The following SDHAF4 variants were observed in gnomAD, a reference collection of about 807,000 sequenced individuals.
SDHAF4 encodes the protein succinate dehydrogenase complex assembly factor 4, also known as succinate dehydrogenase assembly factor 4, mitochondrial.
In SDHAF4, 14 loss-of-function variants were observed where a neutral mutation model predicts 14.3. The observed-to-expected ratio is 0.98, with a 90% CI of 0.65 to 1.53. The LOEUF is 1.53. SDHAF4 is among the 40% of genes most tolerant of loss of function. SDHAF4 has a pLI of 0.00. For missense variants in SDHAF4, 141 were observed against 129.3 expected, an observed-to-expected ratio of 1.09 and a Z score of -0.44; for synonymous variants, 63 against 47.3, an observed-to-expected ratio of 1.33 and a Z score of -1.36.
At chr6:70,583,332 C>T (rs1365046681) in intron 2 of SDHAF4, among the ~76,000 whole-genome samples, 3 of 152,108 alleles carry the variant, frequency 2.0e-5, no homozygotes, top group Admixed American at 6.5e-5. Context: ...AGGCTGGTCT[C>T]GAACTCCTGA....
chr6:70,585,728 T>G (rs892347878), intron 2 of SDHAF4, among the ~76,000 whole-genome samples: 1 of 152,164 alleles, frequency 6.6e-6, no homozygotes, highest in Non-Finnish European at 1.5e-5. Context: ...GAAAACAGAA[T>G]GCTGATGAGT....
chr6:70,582,167 G>T (rs1458334290), intron 2 of SDHAF4, among the ~76,000 whole-genome samples: 1 of 152,056 alleles, frequency 6.6e-6, no homozygotes, highest in African/African-American at 2.4e-5. Flanking sequence ...AACCTCCTGG[G>T]GTTCCCTACT....
intron 1 of SDHAF4, among the ~76,000 whole-genome samples, chr6:70,570,945 G>C (rs1211697447): frequency 6.6e-6 from 1 of 151,532 alleles, no homozygotes; most frequent in Admixed American, 6.6e-5. Context: ...TTACTTACAG[G>C]ATTTAATGAT....
chr6:70,593,987 G>A (rs147633403), downstream of SDHAF4, among the ~76,000 whole-genome samples: 8 of 152,130 alleles, frequency 5.3e-5, no homozygotes, highest in East Asian at 1.9e-4. Flanking sequence ...GAGACACTGC[G>A]CCTGGCTGAG....
At chr6:70,572,199 G>A (rs2128533814) in intron 1 of SDHAF4, among the ~76,000 whole-genome samples, 2 of 150,726 alleles carry the variant, frequency 1.3e-5, no homozygotes, top group South Asian at 4.2e-4. Context: ...CTCATAGCTG[G>A]AATTACAGGC....
At chr6:70,598,248 G>A in the SDHAF4 span, among the ~76,000 whole-genome samples, 2 of 152,076 alleles carry the variant, frequency 1.3e-5, no homozygotes, top group East Asian at 3.9e-4. Context: ...GCATGCTGGC[G>A]GGCACCTGTA....
chr6:70,571,722 T>G (rs550567619), intron 1 of SDHAF4, among the ~76,000 whole-genome samples: 24 of 152,346 alleles, frequency 1.6e-4, no homozygotes, highest in African/African-American at 5.8e-4. Flanking sequence ...AATTATTTGT[T>G]CCTTGAGGGT....
At chr6:70,596,017 C>T in the SDHAF4 span, among the ~76,000 whole-genome samples, 85 of 152,204 alleles carry the variant, frequency 5.6e-4, no homozygotes, top group African/African-American at 1.9e-3. Context: ...TAACTCTTAA[C>T]CTCTGTTAGT....
chr6:70,573,313 G>T (rs1269189729), intron 1 of SDHAF4, among the ~76,000 whole-genome samples: 1 of 130,908 alleles, frequency 7.6e-6, no homozygotes, highest in Non-Finnish European at 1.5e-5. Context: ...GCCCAGGCTG[G>T]AGTGCAGTGG....
chr6:70,569,416 C>A (rs1455165828), intron 1 of SDHAF4, among the ~76,000 whole-genome samples: 1 of 151,944 alleles, frequency 6.6e-6, no homozygotes, highest in Non-Finnish European at 1.5e-5. Flanking sequence ...TTACAGGCGC[C>A]CACCACCACA....
intron 1 of SDHAF4, among the ~76,000 whole-genome samples, chr6:70,577,349 C>G (rs1411617664): frequency 6.7e-6 from 1 of 150,308 alleles, no homozygotes; most frequent in Non-Finnish European, 1.5e-5. Context: ...AGAACTTGTA[C>G]TCAAATTGAT....
intron 2 of SDHAF4, among the ~76,000 whole-genome samples, chr6:70,582,273 C>T (rs1400831856): frequency 2.0e-5 from 3 of 152,058 alleles, no homozygotes; most frequent in Non-Finnish European, 4.4e-5. Flanking sequence ...GTATGTTGCC[C>T]AGGCTGGTCT....
chr6:70,575,493 AAAG>A (rs1802242476), intron 1 of SDHAF4, among the ~76,000 whole-genome samples: 1 of 152,012 alleles, frequency 6.6e-6, no homozygotes, highest in Non-Finnish European at 1.5e-5. Context: ...AAAAAAAAAA[AAAG>A]ACGCAATAAG....
chr6:70,592,664 G>T (rs988786970), downstream of SDHAF4, among the ~76,000 whole-genome samples: 2 of 152,180 alleles, frequency 1.3e-5, no homozygotes, highest in African/African-American at 4.8e-5. Flanking sequence ...AAAGCATTTA[G>T]GCTATTGCAT....
At chr6:70,567,028 C>A (rs375718773) in intron 1 of SDHAF4, 24 bp downstream of exon 1, 25 of 1,565,714 alleles carry the variant, frequency 1.6e-5, no homozygotes, top group Non-Finnish European at 2.2e-5. Context: ...CTCGGGGCCA[C>A]GGTCGCGGGA....
chr6:70,580,504 G>A (rs112870332), intron 2 of SDHAF4, among the ~76,000 whole-genome samples: 20 of 152,138 alleles, frequency 1.3e-4, no homozygotes, highest in African/African-American at 4.8e-4. Flanking sequence ...TTGAAAGCAG[G>A]GACTTGAACA....
chr6:70,567,009 G>A lies in SDHAF4; in HGVS notation c.64+5G>A. The A allele has an allele frequency of 6.3e-7, 1 of 1,583,782 alleles. No homozygotes were observed. Among genetic ancestry groups the A allele is most frequent in the Non-Finnish European group, 8.6e-7 (1 of 1,165,016 alleles). On this transcript the variant is annotated splice_donor_5th_base_variant and intron_variant, in intron 1 of 2. Coordinates refer to ENST00000370474, the MANE Select transcript of SDHAF4 (RefSeq NM_145267.3). ...CCACGGCGTGGAGAGCGGCAAGTAA[G>A]CACCTGGCCTCGGGGCCACGGTCGC...
At chr6:70,595,889 G>A in the SDHAF4 span, among the ~76,000 whole-genome samples, 2 of 150,818 alleles carry the variant, frequency 1.3e-5, no homozygotes, top group Non-Finnish European at 2.9e-5. Flanking sequence ...TTAAATTTTC[G>A]TTGTATAGTT....
chr6:70,569,166 G>A (rs1473523224), intron 1 of SDHAF4, among the ~76,000 whole-genome samples: 3 of 150,670 alleles, frequency 2.0e-5, no homozygotes, highest in South Asian at 2.1e-4. Context: ...GGGTTTCACC[G>A]TGTTAGCCAG....
Sources: gnomAD v4.1 joint callset for allele counts (sites outside exome capture counted in the v4.1 genomes callset) on GRCh38, gnomAD v4.1.1 for gene constraint, MANE v1.5 for transcripts, NCBI Gene and HGNC (gene_info 2026-07-23, HGNC 2026-07-21) for gene names.